TBXAS1: variants seen among roughly 807,000 people sequenced by gnomAD.
The protein encoded by TBXAS1 is thromboxane-A synthase.
In TBXAS1, 48 loss-of-function variants were observed where a neutral mutation model predicts 60.7. That is an observed-to-expected ratio of 0.79 (90% CI 0.63 to 1.01). The LOEUF is 1.01. Among genes scored for constraint, TBXAS1 ranks in the 50% least tolerant of loss-of-function variants. TBXAS1 has a pLI of 0.00. For synonymous variants in TBXAS1, 287 were observed against 269.7 expected (o/e 1.06, Z -0.63); for missense variants, 685 against 686.3 (o/e 1.00, Z 0.02).
chr7:139,884,986 AC>A (rs1289482590), intron 3 of TBXAS1, among the ~76,000 whole-genome samples: 3 of 152,180 alleles, frequency 2.0e-5, no homozygotes, highest in Non-Finnish European at 4.4e-5. Context: ...CTGGAGAGGC[AC>A]CGAGTCTCAT....
intron 10 of TBXAS1, 25 bp downstream of exon 10, chr7:140,007,207 C>A (rs763755253): frequency 6.2e-7 from 1 of 1,609,588 alleles, no homozygotes; most frequent in Admixed American, 1.7e-5. Context: ...CCTCCCCTGC[C>A]CGAGTCCCCA....
intron 9 of TBXAS1, among the ~76,000 whole-genome samples, chr7:139,980,941 G>GA (rs5887947): frequency 0.22 from 31,728 of 146,818 alleles, 3,603 homozygotes; most frequent in East Asian, 0.32. Flanking sequence ...TTCCACAGAT[G>GA]AAAAAAAAAA....
chr7:139,915,895 A>G (rs1805929191), intron 4 of TBXAS1, among the ~76,000 whole-genome samples: 1 of 152,138 alleles, frequency 6.6e-6, no homozygotes, highest in Non-Finnish European at 1.5e-5. Flanking sequence ...AGTCTGTGCA[A>G]TGTCTCTGCT....
chr7:139,828,482 C>G (rs1798509904), upstream of TBXAS1, among the ~76,000 whole-genome samples: 1 of 152,178 alleles, frequency 6.6e-6, no homozygotes, highest in Non-Finnish European at 1.5e-5. Context: ...CAGGAGCAGT[C>G]TGGTTCCTTC....
At chr7:139,965,746 T>TA (rs2117405197) in intron 9 of TBXAS1, among the ~76,000 whole-genome samples, 1 of 152,332 alleles carries the variant, frequency 6.6e-6, no homozygotes, top group Admixed American at 6.5e-5. Context: ...AAAATGGGAA[T>TA]ATCTACAGCT....
chr7:139,974,048 T>C (rs774493761), intron 9 of TBXAS1, among the ~76,000 whole-genome samples: 2 of 152,186 alleles, frequency 1.3e-5, no homozygotes, highest in African/African-American at 2.4e-5. Context: ...ATTTTTGCAA[T>C]GGGCTTAGTC....
chr7:139,801,238 A>G (rs1180818152), intron 4 of TBXAS1, among the ~76,000 whole-genome samples: 1 of 152,138 alleles, frequency 6.6e-6, no homozygotes, highest in Admixed American at 6.5e-5. Context: ...TCAACATTTA[A>G]CTGTTTCACT....
intron 3 of TBXAS1, among the ~76,000 whole-genome samples, chr7:139,889,881 C>A (rs149807066): frequency 6.6e-6 from 1 of 152,108 alleles, no homozygotes; most frequent in Non-Finnish European, 1.5e-5. Context: ...AACATTCAGA[C>A]CATGGCAGAG....
At chr7:139,821,395 T>C (rs143262761) in intron 4 of TBXAS1, among the ~76,000 whole-genome samples, 11 of 152,286 alleles carry the variant, frequency 7.2e-5, no homozygotes, top group Admixed American at 5.9e-4. Context: ...GAACAGCCTG[T>C]GATGTTAACA....
intron 10 of TBXAS1, among the ~76,000 whole-genome samples, chr7:140,014,386 T>C (rs1213464458): frequency 6.6e-6 from 1 of 151,724 alleles, no homozygotes; most frequent in Non-Finnish European, 1.5e-5. Flanking sequence ...GGTCTGTGGG[T>C]AGAAATTGGA....
intron 4 of TBXAS1, among the ~76,000 whole-genome samples, chr7:139,803,447 A>T (rs1797769004): frequency 6.6e-6 from 1 of 152,094 alleles, no homozygotes; most frequent in African/African-American, 2.4e-5. Flanking sequence ...AGTTTGGAAA[A>T]TTTTCAGCCT....
At position 139,957,610 on chromosome 7, in the gene TBXAS1, C is replaced by T. The variant is rs536129599; in HGVS notation, c.689-24C>T. 221 of 1,613,980 alleles carry T rather than the reference C, an allele frequency of 1.4e-4. 1 individual carries two copies. The South Asian group carries it at 2.3e-3, about 16-fold the overall frequency. On this transcript the variant is annotated intron_variant, in intron 7 of 12. Transcript: ENST00000448866. ...GTTTATTATCACCCCCTTTTCAATG[C>T]CACTTTTGTTTTTCTCTTTCAAGTA...
intron 4 of TBXAS1, among the ~76,000 whole-genome samples, chr7:139,929,371 G>A (rs150643390): frequency 2.2e-4 from 33 of 152,174 alleles, no homozygotes; most frequent in African/African-American, 5.1e-4. Flanking sequence ...AACTAATTCC[G>A]ATTGGCTAAT....
intron 2 of TBXAS1, among the ~76,000 whole-genome samples, chr7:139,781,677 C>CA (rs1353169058): frequency 6.6e-5 from 10 of 151,444 alleles, no homozygotes; most frequent in East Asian, 1.9e-4. Context: ...ACTAAAAACA[C>CA]AAAAAAAATT....
chr7:139,888,415 G>C (rs1803282809), intron 3 of TBXAS1, among the ~76,000 whole-genome samples: 1 of 152,168 alleles, frequency 6.6e-6, no homozygotes, highest in Non-Finnish European at 1.5e-5. Context: ...TCCTGGAACT[G>C]ACCCTTCGAT....
At chr7:139,788,050 C>G in intron 4 of TBXAS1, among the ~76,000 whole-genome samples, 1 of 152,268 alleles carries the variant, frequency 6.6e-6, no homozygotes, top group South Asian at 2.1e-4. Context: ...AACAACAGTT[C>G]AAGAAATCTG....
intron 9 of TBXAS1, among the ~76,000 whole-genome samples, chr7:139,997,581 T>G (rs2117641091): frequency 6.6e-6 from 1 of 152,254 alleles, no homozygotes; most frequent in African/African-American, 2.4e-5. Context: ...ACACACACAC[T>G]ATATGAATAA....
chr7:139,980,466 T>C (rs368102303), intron 9 of TBXAS1, among the ~76,000 whole-genome samples: 7 of 152,124 alleles, frequency 4.6e-5, no homozygotes, highest in Non-Finnish European at 7.4e-5. Context: ...CTGTTGTCCA[T>C]GTCTGGTCAT....
chr7:139,912,042 C>A (rs1440890391), intron 4 of TBXAS1, among the ~76,000 whole-genome samples: 2 of 152,126 alleles, frequency 1.3e-5, no homozygotes, highest in East Asian at 3.9e-4. Flanking sequence ...ACCAGCCTGG[C>A]CAACTTGGCG....
Sources: allele counts gnomAD v4.1 joint callset (sites outside exome capture counted in the v4.1 genomes callset), GRCh38; gene constraint gnomAD v4.1.1; transcripts MANE v1.5; gene names NCBI Gene and HGNC (gene_info 2026-07-23, HGNC 2026-07-21).